The following CTNNA2 variants were observed in gnomAD, a reference collection of about 807,000 sequenced individuals.
CTNNA2 encodes catenin alpha 2, also known as catenin alpha-2.
CTNNA2 carries 42 observed loss-of-function variants against 101.0 expected under a neutral mutation model. The ratio of observed to expected loss-of-function variants is 0.42; its 90% CI spans 0.32 to 0.54. The LOEUF is 0.54. Among genes scored for constraint, CTNNA2 ranks in the 20% least tolerant of loss-of-function variants. The pLI is 0.14. For missense variants in CTNNA2, 871 were observed against 1,223.1 expected (o/e 0.71, Z 4.29); for synonymous variants, 450 against 456.4 (o/e 0.99, Z 0.18).
intron 4 of CTNNA2, among the ~76,000 whole-genome samples, chr2:79,409,219 A>T (rs369631386): frequency 1.3e-5 from 2 of 152,000 alleles, no homozygotes; most frequent in South Asian, 4.1e-4. Context: ...AGATGAGTAG[A>T]TTGCGAAAAT....
At chr2:79,413,511 G>A (rs1474969488) in intron 4 of CTNNA2, among the ~76,000 whole-genome samples, 2 of 152,072 alleles carry the variant, frequency 1.3e-5, no homozygotes, top group East Asian at 1.9e-4. Context: ...TTTGAATAGT[G>A]CTGCAATAAT....
At chr2:80,036,103 C>T (rs924883730) in intron 7 of CTNNA2, among the ~76,000 whole-genome samples, 1 of 152,156 alleles carries the variant, frequency 6.6e-6, no homozygotes, top group African/African-American at 2.4e-5. Flanking sequence ...ACCAGCGTCA[C>T]CCAACCCTAG....
At chr2:79,860,546 G>GTTTTTTTTTTTGTTTTT (rs1553385351) in intron 4 of CTNNA2, among the ~76,000 whole-genome samples, 3 of 107,196 alleles carry the variant, frequency 2.8e-5, no homozygotes, top group African/African-American at 1.1e-4. Flanking sequence ...AGTAAGGGAA[G>GTTTTTTTTTTTGTTTTT]TTTTTTTTTT....
chr2:80,238,058 G>A (rs1349615885), intron 7 of CTNNA2, among the ~76,000 whole-genome samples: 1 of 152,072 alleles, frequency 6.6e-6, no homozygotes, highest in Non-Finnish European at 1.5e-5. Flanking sequence ...CAAGCTTTAA[G>A]GAATGAGCAT....
At chr2:79,857,225 C>T (rs1227142869) in intron 3 of CTNNA2, among the ~76,000 whole-genome samples, 1 of 152,176 alleles carries the variant, frequency 6.6e-6, no homozygotes, top group Non-Finnish European at 1.5e-5. Context: ...ACAGCTTCCC[C>T]CCAGTCTCAC....
At chr2:79,667,386 T>C (rs948743069) in intron 2 of CTNNA2, among the ~76,000 whole-genome samples, 1 of 152,200 alleles carries the variant, frequency 6.6e-6, no homozygotes. Flanking sequence ...CAGAGAGATA[T>C]ATAGACTTGT....
chr2:80,566,753 G>A lies in CTNNA2; in HGVS notation c.1742-7410G>A, dbSNP rs558404773. Among the ~76,000 whole-genome samples, 35 of 152,168 alleles carry A rather than the reference G, an allele frequency of 2.3e-4. 1 individual carries two copies. The highest frequency in any genetic ancestry group is 4.6e-4 in the Non-Finnish European group (31 of 68,018). On this transcript the variant is annotated intron_variant, in intron 12 of 18. Transcript: ENST00000402739. ...TTGGAGTCAAAGAGAACAGATAAGAGTCAGGGAATGGTACATAGACAAAGC... is the reference window on the plus strand; with the variant it reads ...TTGGAGTCAAAGAGAACAGATAAGAATCAGGGAATGGTACATAGACAAAGC...
chr2:79,225,974 A>G lies in CTNNA2; in HGVS notation c.-406+27898A>G, dbSNP rs141646861. Among the ~76,000 whole-genome samples the G allele has an allele frequency of 5.7e-3, 868 of 152,228 alleles. 7 individuals carry two copies. The highest frequency in any genetic ancestry group is 0.02 in the African/African-American group (816 of 41,544). On this transcript the variant is annotated intron_variant, in intron 2 of 21. Coordinates refer to the CTNNA2 transcript ENST00000466387. ...GTCTCATTTTAAATCTTATACCACA[A>G]AATTTAAACCAACATCTCTGTCTAC...
chr2:80,057,254 G>A (rs1328254775), intron 7 of CTNNA2, among the ~76,000 whole-genome samples: 1 of 149,396 alleles, frequency 6.7e-6, no homozygotes, highest in Non-Finnish European at 1.5e-5. Context: ...TACCCAAATA[G>A]ATACTCTATT....
chr2:79,762,248 A>G (rs1383726433), intron 3 of CTNNA2, among the ~76,000 whole-genome samples: 3 of 152,186 alleles, frequency 2.0e-5, no homozygotes, highest in Non-Finnish European at 2.9e-5. Flanking sequence ...CGATTAGTCA[A>G]CCCAGGCGTG....
intron 3 of CTNNA2, among the ~76,000 whole-genome samples, chr2:79,777,327 ATGTGTGTGTGTGTGTGTGTGTG>A (rs67347678): frequency 1.2e-4 from 17 of 139,670 alleles, no homozygotes; most frequent in African/African-American, 2.3e-4. Context: ...AACACTTGTT[ATGTGTGTGTGTGTGTGTGTGTG>A]TGTGTGTGTG....
At chr2:80,068,564 C>T (rs1288643377) in intron 7 of CTNNA2, among the ~76,000 whole-genome samples, 1 of 152,190 alleles carries the variant, frequency 6.6e-6, no homozygotes, top group Non-Finnish European at 1.5e-5. Context: ...AGCCCAAGTT[C>T]CCTTTGATGC....
intron 4 of CTNNA2, among the ~76,000 whole-genome samples, chr2:79,454,340 T>G (rs1670790047): frequency 6.6e-6 from 1 of 152,194 alleles, no homozygotes; most frequent in Non-Finnish European, 1.5e-5. Flanking sequence ...ATTACATTTC[T>G]AGTACTTGCA....
chr2:80,460,370 C>G (rs1684324987), intron 9 of CTNNA2, among the ~76,000 whole-genome samples: 1 of 152,104 alleles, frequency 6.6e-6, no homozygotes, highest in Non-Finnish European at 1.5e-5. Flanking sequence ...TATGCACATA[C>G]TCCAGTGCTT....
At chr2:80,391,713 C>T (rs1057056711) in intron 7 of CTNNA2, among the ~76,000 whole-genome samples, 1 of 152,254 alleles carries the variant, frequency 6.6e-6, no homozygotes, top group Non-Finnish European at 1.5e-5. Flanking sequence ...TGCACAACCA[C>T]ATTCCCTTGA....
At chr2:80,100,865 G>C (rs1454720049) in intron 7 of CTNNA2, among the ~76,000 whole-genome samples, 1 of 152,190 alleles carries the variant, frequency 6.6e-6, no homozygotes, top group Non-Finnish European at 1.5e-5. Flanking sequence ...TTGGACCTGA[G>C]ACATTTTTTC....
intron 12 of CTNNA2, among the ~76,000 whole-genome samples, chr2:80,562,203 A>G (rs1693667470): frequency 6.8e-6 from 1 of 146,526 alleles, no homozygotes; most frequent in South Asian, 2.1e-4. Flanking sequence ...CAGAAACATG[A>G]AAATATTTCC....
chr2:80,263,169 TTTTA>T lies in CTNNA2; in HGVS notation c.1057-130038_1057-130035del, dbSNP rs565830905. ...GTCCTAGGAGGATGTCCTTACTGAT[TTTTA>T]TTTGTTTTCTGTTTCACTTGATGGA... On this transcript the variant is annotated intron_variant, in intron 7 of 18. Transcript: ENST00000402739. Among the ~76,000 whole-genome samples the T allele has an allele frequency of 3.4e-3, 511 of 152,222 alleles. 3 individuals are homozygous for T. Among genetic ancestry groups the T allele is most frequent in the African/African-American group, 0.012 (484 of 41,538 alleles).
At chr2:79,840,564 C>T (rs2103838358) in intron 3 of CTNNA2, among the ~76,000 whole-genome samples, 1 of 152,276 alleles carries the variant, frequency 6.6e-6, no homozygotes, top group African/African-American at 2.4e-5. Context: ...CTCTCACATT[C>T]TCTCATCTTA....
Sources: allele counts gnomAD v4.1 joint callset (sites outside exome capture counted in the v4.1 genomes callset), GRCh38; gene constraint gnomAD v4.1.1; transcripts MANE v1.5; gene names NCBI Gene and HGNC (gene_info 2026-07-23, HGNC 2026-07-21).